Variants in GPC3 observed in about 807,000 individuals in gnomAD.
GPC3 encodes the protein glypican 3.
Under a neutral mutation model 34.4 loss-of-function variants are expected in GPC3, and 3 were observed. The observed-to-expected ratio is 0.09, with a 90% CI of 0.04 to 0.23. The LOEUF (loss-of-function observed/expected upper bound fraction) is 0.23, where lower values mean the gene tolerates loss of function less well. Ranked by LOEUF, GPC3 falls within the 10% of genes least tolerant of loss-of-function variation. GPC3 has a pLI of 1.00. For missense variants in GPC3, 351 were observed against 445.6 expected (o/e 0.79, Z 1.91); for synonymous variants, 177 against 174.0 (o/e 1.02, Z -0.13).
At chrX:133,981,652 T>C (rs1329662743) in intron 1 of GPC3, among the ~76,000 whole-genome samples, 3 of 112,074 alleles carry the variant, frequency 2.7e-5, no homozygotes, top group Non-Finnish European at 3.8e-5. Flanking sequence ...TATTATTCTC[T>C]CTCTGGACAT....
chrX:133,888,187 T>C (rs1203076867), intron 2 of GPC3, among the ~76,000 whole-genome samples: 5 of 110,869 alleles, frequency 4.5e-5, no homozygotes, highest in Non-Finnish European at 7.5e-5. Context: ...GGTTTTCTGA[T>C]CTTGTGATAG....
chrX:133,881,779 T>A (rs2076042651), intron 2 of GPC3, among the ~76,000 whole-genome samples: 1 of 112,184 alleles, frequency 8.9e-6, no homozygotes, highest in South Asian at 3.7e-4. Context: ...AGCAAGGAGA[T>A]CACTGAGCTC....
chrX:133,830,805 C>T (rs921588763), intron 2 of GPC3, among the ~76,000 whole-genome samples: 1 of 106,982 alleles, frequency 9.3e-6, no homozygotes, highest in Non-Finnish European at 1.9e-5. Context: ...CATAACAACA[C>T]TTATAATTTG....
At chrX:133,572,022 G>T (rs189742432) in intron 7 of GPC3, among the ~76,000 whole-genome samples, 35 of 111,360 alleles carry the variant, frequency 3.1e-4, no homozygotes, top group African/African-American at 1.1e-3. Context: ...AAAATTAACC[G>T]GTTTATAGCA....
chrX:133,689,120 C>T (rs1193050412), intron 5 of GPC3, among the ~76,000 whole-genome samples: 1 of 110,708 alleles, frequency 9.0e-6, no homozygotes, highest in Non-Finnish European at 1.9e-5. Flanking sequence ...TGCCTTCATC[C>T]TTCCTTCCTT....
intron 6 of GPC3, among the ~76,000 whole-genome samples, chrX:133,651,170 A>G (rs1048805611): frequency 4.5e-5 from 5 of 109,975 alleles, no homozygotes; most frequent in Non-Finnish European, 9.5e-5. Flanking sequence ...GGTGGAGAGT[A>G]TTTTTCTTTT....
In GPC3 at chrX:133,953,042, G is replaced by C. The variant is rs1556359306; in HGVS notation, c.337+8C>G. On this transcript the variant is annotated splice_region_variant and intron_variant, in intron 2 of 7. Coordinates refer to ENST00000370818, the MANE Select transcript of GPC3 (RefSeq NM_004484.4). ...AGCAGCACATCTAAAATAATCCCCA[G>C]AACTCACCTTGGAAAACCGCAGCAT... 13 of 1,204,367 alleles carry C rather than the reference G, an allele frequency of 1.1e-5. No homozygotes were observed. The highest frequency in any genetic ancestry group is 1.5e-5 in the Non-Finnish European group (13 of 888,923).
At chrX:133,694,434 C>T (rs892827544) in intron 4 of GPC3, among the ~76,000 whole-genome samples, 7 of 111,215 alleles carry the variant, frequency 6.3e-5, no homozygotes, top group African/African-American at 2.3e-4. Flanking sequence ...AAATAAAAGT[C>T]AACATTATAG....
intron 2 of GPC3, among the ~76,000 whole-genome samples, chrX:133,925,552 A>G (rs1003723035): frequency 3.6e-5 from 4 of 112,263 alleles, no homozygotes; most frequent in Non-Finnish European, 7.5e-5. Context: ...AAATTACTAA[A>G]GCTGGAAGAA....
intron 3 of GPC3, among the ~76,000 whole-genome samples, chrX:133,707,537 T>C (rs1008883691): frequency 9.0e-6 from 1 of 111,358 alleles, no homozygotes; most frequent in Non-Finnish European, 1.9e-5. Flanking sequence ...ACCTAGTATG[T>C]ACTGTGTTTA....
chrX:133,973,916 C>G (rs1256812435), intron 1 of GPC3, among the ~76,000 whole-genome samples: 1 of 112,358 alleles, frequency 8.9e-6, no homozygotes, highest in Non-Finnish European at 1.9e-5. Context: ...AGACACTTTA[C>G]GAGTGGTTGC....
chrX:133,829,041 C>T (rs1249561077), intron 2 of GPC3, among the ~76,000 whole-genome samples: 1 of 111,463 alleles, frequency 9.0e-6, no homozygotes, highest in Non-Finnish European at 1.9e-5. Flanking sequence ...AACCCATGTC[C>T]AACTAAAATG....
chrX:133,573,712 A>G (rs1414643391), intron 7 of GPC3, among the ~76,000 whole-genome samples: 1 of 112,492 alleles, frequency 8.9e-6, no homozygotes, highest in Non-Finnish European at 1.9e-5. Flanking sequence ...GTTTAACAAA[A>G]AAGTAGAAAA....
chrX:133,919,533 C>A (rs1286578281), intron 2 of GPC3, among the ~76,000 whole-genome samples: 1 of 111,472 alleles, frequency 9.0e-6, no homozygotes, highest in East Asian at 2.8e-4. Flanking sequence ...AGGGCTAAGT[C>A]TGGGTTGGCC....
chrX:133,632,104 T>TAAA (rs1569401292), intron 6 of GPC3, among the ~76,000 whole-genome samples: 4 of 110,214 alleles, frequency 3.6e-5, no homozygotes, highest in African/African-American at 1.3e-4. Flanking sequence ...AAAAATTTTT[T>TAAA]AAAAAATTTT....
intron 6 of GPC3, among the ~76,000 whole-genome samples, chrX:133,650,449 A>ACGCC (rs1356916959): frequency 1.1e-5 from 1 of 93,569 alleles, no homozygotes; most frequent in African/African-American, 3.9e-5. Flanking sequence ...ACACACCCAC[A>ACGCC]CACCCACCCA....
intron 1 of GPC3, among the ~76,000 whole-genome samples, chrX:133,984,076 C>T (rs1317366815): frequency 8.8e-6 from 1 of 113,158 alleles, no homozygotes; most frequent in African/African-American, 3.2e-5. Flanking sequence ...TGCGCATCCG[C>T]ATTCACAACT....
At chrX:133,669,285 A>C (rs952294340) in intron 5 of GPC3, among the ~76,000 whole-genome samples, 2 of 112,250 alleles carry the variant, frequency 1.8e-5, no homozygotes, top group Admixed American at 9.4e-5. Context: ...GACAATAGGA[A>C]AACAAATGCA....
chrX:133,775,226 G>GTT (rs769430426), intron 2 of GPC3, among the ~76,000 whole-genome samples: 5 of 100,310 alleles, frequency 5.0e-5, no homozygotes, highest in African/African-American at 1.4e-4. Flanking sequence ...CTGCCAGCGT[G>GTT]TTTTTTTTTT....
Sources: allele counts gnomAD v4.1 joint callset (sites outside exome capture counted in the v4.1 genomes callset), GRCh38; gene constraint gnomAD v4.1.1; transcripts MANE v1.5; gene names NCBI Gene and HGNC (gene_info 2026-07-23, HGNC 2026-07-21).